Variants in ITSN1 observed in about 807,000 individuals in gnomAD.
ITSN1 encodes the protein intersectin 1.
In ITSN1, 58 loss-of-function variants were observed where a neutral mutation model predicts 239.8. The observed-to-expected ratio is 0.24, with a 90% CI of 0.20 to 0.30. ITSN1 has a LOEUF of 0.30. ITSN1 is among the 10% of genes least tolerant of loss of function. The pLI, the probability that ITSN1 is intolerant of heterozygous loss-of-function variation, is 1.00. For missense variants in ITSN1, 1,558 were observed against 2,103.3 expected, an observed-to-expected ratio of 0.74 and a Z score of 5.07; for synonymous variants, 780 against 770.8, an observed-to-expected ratio of 1.01 and a Z score of -0.20.
At chr21:33,690,766 A>C in intron 1 of ITSN1, among the ~76,000 whole-genome samples, 1 of 97,588 alleles carries the variant, frequency 1.0e-5, no homozygotes, top group African/African-American at 3.9e-5. Context: ...GCCTCAGAAA[A>C]AAAAAAGTGT....
chr21:33,869,289 A>G (rs1480719712), intron 33 of ITSN1, among the ~76,000 whole-genome samples: 1 of 152,202 alleles, frequency 6.6e-6, no homozygotes, highest in Non-Finnish European at 1.5e-5. Context: ...AAGCAAACAC[A>G]TCCTTCTTCA....
chr21:33,696,761 C>G (rs997351151), intron 1 of ITSN1, among the ~76,000 whole-genome samples: 1 of 152,126 alleles, frequency 6.6e-6, no homozygotes, highest in African/African-American at 2.4e-5. Flanking sequence ...TTAGTACTTT[C>G]TATGTAGTTT....
chr21:33,759,180 A>G (rs947292209), intron 8 of ITSN1, among the ~76,000 whole-genome samples: 4 of 152,166 alleles, frequency 2.6e-5, no homozygotes, highest in African/African-American at 9.7e-5. Context: ...ACCATATATC[A>G]TGCTTATATC....
rs553854524 is a variant in ITSN1 at position 33,862,614 on chromosome 21, C to T, written c.3891-2537C>T. 5.3e-5 allele frequency among the ~76,000 whole-genome samples: 8 copies of T among 152,172 alleles called. No individual in the cohort carries two copies. In the East Asian group the frequency reaches 9.7e-4, roughly 18 times the overall value. On this transcript the variant is annotated intron_variant, in intron 31 of 39. Transcript: ENST00000381318. ...GGCGAGATGGCGGGAGCAGGGCAGC[C>T]GCGTCTGGGAAGATGGGCAGGTGCC...
At position 33,723,821 on chromosome 21, in the gene ITSN1, T is replaced by C. The variant is rs183729213; in HGVS notation, c.185+1170T>C. Among the ~76,000 whole-genome samples the C allele has an allele frequency of 1.4e-4, 22 of 152,324 alleles. No homozygotes were observed. In the East Asian group the frequency reaches 3.7e-3, roughly 25 times the overall value. On this transcript the variant is annotated intron_variant, in intron 4 of 39. Coordinates refer to ENST00000381318, the MANE Select transcript of ITSN1 (RefSeq NM_003024.3). ...ACTTATTGTGGCTCCTGTCACATAATAGGCCCTCAAAGTAAAACCCAAAAA... is the reference window on the plus strand; with the variant it reads ...ACTTATTGTGGCTCCTGTCACATAACAGGCCCTCAAAGTAAAACCCAAAAA...
intron 16 of ITSN1, among the ~76,000 whole-genome samples, chr21:33,793,262 C>G (rs776640445): frequency 4.6e-5 from 7 of 152,152 alleles, no homozygotes; most frequent in Non-Finnish European, 1.0e-4. Context: ...AACCTACCTG[C>G]CCATCTAGTC....
At chr21:33,674,584 A>G (rs1186981417) in intron 1 of ITSN1, among the ~76,000 whole-genome samples, 1 of 152,230 alleles carries the variant, frequency 6.6e-6, no homozygotes, top group Non-Finnish European at 1.5e-5. Context: ...TGTGCTCTCC[A>G]CAGACAATAG....
intron 1 of ITSN1, among the ~76,000 whole-genome samples, chr21:33,686,068 A>G (rs899007524): frequency 6.6e-6 from 1 of 152,218 alleles, no homozygotes; most frequent in Non-Finnish European, 1.5e-5. Flanking sequence ...AAGGTAATTG[A>G]TGACTTGGCT....
At chr21:33,736,814 G>C (rs966772409) in intron 5 of ITSN1, among the ~76,000 whole-genome samples, 1 of 152,116 alleles carries the variant, frequency 6.6e-6, no homozygotes, top group Non-Finnish European at 1.5e-5. Context: ...ACAAGGCCTC[G>C]TTGCTACTGA....
intron 24 of ITSN1, 110 bp from the exon 25 acceptor site, chr21:33,823,377 G>C: frequency 2.1e-6 from 2 of 957,194 alleles, no homozygotes. Context: ...CCTTTCTCTT[G>C]AATGGATCTT....
At chr21:33,821,291 A>G (rs537089891) in intron 24 of ITSN1, among the ~76,000 whole-genome samples, 29 of 146 alleles carry the variant, frequency 0.2, no homozygotes, top group Admixed American at 0.4. Flanking sequence ...TATTTATTAC[A>G]GCCAATTTTG....
intron 32 of ITSN1, among the ~76,000 whole-genome samples, chr21:33,866,527 A>G (rs1981619918): frequency 6.6e-6 from 1 of 151,456 alleles, no homozygotes; most frequent in South Asian, 2.1e-4. Flanking sequence ...ACCTCCTCTC[A>G]GTGGGAATGT....
At chr21:33,741,611 G>A (rs1436891247) in intron 5 of ITSN1, among the ~76,000 whole-genome samples, 1 of 152,022 alleles carries the variant, frequency 6.6e-6, no homozygotes, top group Non-Finnish European at 1.5e-5. Context: ...AATGAAAATA[G>A]GCCGGGCGCA....
chr21:33,725,002 G>A (rs1264719328), intron 4 of ITSN1, among the ~76,000 whole-genome samples: 1 of 151,290 alleles, frequency 6.6e-6, no homozygotes, highest in Non-Finnish European at 1.5e-5. Flanking sequence ...GGGTGTGGTG[G>A]CCCACGTCTG....
chr21:33,885,013 G>A lies in ITSN1; in HGVS notation c.4677-28G>A, dbSNP rs757218134. On this transcript the variant is annotated intron_variant, in intron 36 of 39. Coordinates refer to ENST00000381318, the MANE Select transcript of ITSN1 (RefSeq NM_003024.3). ...AAGCCTTTTTCCTGAGTTTCTGTTT[G>A]GCAACTTTCTGTCTTTTTCTGTCCA... 1.9e-6 allele frequency: 3 copies of A among 1,586,796 alleles called. No homozygotes were observed. In the East Asian group the frequency reaches 6.7e-5, roughly 35 times the overall value.
intron 14 of ITSN1, among the ~76,000 whole-genome samples, chr21:33,776,833 T>A (rs1305381565): frequency 6.6e-6 from 1 of 152,148 alleles, no homozygotes; most frequent in African/African-American, 2.4e-5. Flanking sequence ...GATACGTGTT[T>A]TGCAAATATT....
At chr21:33,738,456 C>T (rs534129455) in intron 5 of ITSN1, among the ~76,000 whole-genome samples, 2 of 152,096 alleles carry the variant, frequency 1.3e-5, no homozygotes, top group East Asian at 3.9e-4. Context: ...GGCTGGAGTG[C>T]AGTGGCATGA....
At position 33,690,792 on chromosome 21, in the gene ITSN1, T is replaced by C. The variant is rs866583034; in HGVS notation, c.-32-28005T>C. On this transcript the variant is annotated intron_variant, in intron 1 of 39. Coordinates refer to ENST00000381318, the MANE Select transcript of ITSN1 (RefSeq NM_003024.3). ...AAAAAAGTGTATATATATATATACA[T>C]ATATATATATATATATATATATGTA... 2.0e-4 allele frequency among the ~76,000 whole-genome samples: 3 copies of C among 15,098 alleles called. No individual in the cohort carries two copies. The Admixed American group carries it at 2.1e-3, about 11-fold the overall frequency. The allele number at this position is 15,098 out of a possible 152,430, so 9.9% of individuals were successfully genotyped here.
chr21:33,746,460 AACAG>A (rs1445279279), intron 5 of ITSN1, among the ~76,000 whole-genome samples: 13 of 152,366 alleles, frequency 8.5e-5, no homozygotes, highest in South Asian at 2.1e-4. Context: ...GAAATGAATC[AACAG>A]ACAGACACTC....
Sources: allele counts gnomAD v4.1 joint callset (sites outside exome capture counted in the v4.1 genomes callset), GRCh38; gene constraint gnomAD v4.1.1; transcripts MANE v1.5; gene names NCBI Gene and HGNC (gene_info 2026-07-23, HGNC 2026-07-21).